CAMTA1: variants seen among roughly 807,000 people sequenced by gnomAD.
CAMTA1 encodes calmodulin binding transcription activator 1.
A neutral mutation model predicts 170.9 loss-of-function variants in CAMTA1; 27 were observed. The ratio of observed to expected loss-of-function variants is 0.16; its 90% confidence interval spans 0.12 to 0.22. The LOEUF (loss-of-function observed/expected upper bound fraction) is 0.22. CAMTA1 is among the 10% of genes least tolerant of loss of function. CAMTA1 has a pLI of 1.00. For synonymous variants in CAMTA1, 833 were observed against 891.5 expected (o/e 0.93, Z 1.17); for missense variants, 1,619 against 2,217.2 (o/e 0.73, Z 5.42).
intron 6 of CAMTA1, among the ~76,000 whole-genome samples, chr1:7,611,009 C>T (rs1393707438): frequency 1.3e-5 from 2 of 152,236 alleles, no homozygotes; most frequent in African/African-American, 2.4e-5. Context: ...TAGCTCTGCC[C>T]TTTGCAACCT....
chr1:7,040,469 A>G (rs1231608021), intron 3 of CAMTA1, among the ~76,000 whole-genome samples: 2 of 152,182 alleles, frequency 1.3e-5, no homozygotes, highest in East Asian at 3.8e-4. Context: ...GTGCTTAGAC[A>G]ATGGATGAAT....
chr1:7,488,616 A>G (rs1357948780), intron 6 of CAMTA1, among the ~76,000 whole-genome samples: 1 of 151,220 alleles, frequency 6.6e-6, no homozygotes, highest in Non-Finnish European at 1.5e-5. Context: ...CATGTAACAC[A>G]TACACATACA....
intron 3 of CAMTA1, among the ~76,000 whole-genome samples, chr1:6,898,811 G>GCCTCTTGTTGCC (rs1676220354): frequency 6.6e-6 from 1 of 152,232 alleles, no homozygotes. Context: ...CTGATACCAA[G>GCCTCTTGTTGCC]AAGGACCTCC....
chr1:7,542,867 G>T (rs1344072890), intron 6 of CAMTA1, among the ~76,000 whole-genome samples: 1 of 151,056 alleles, frequency 6.6e-6, no homozygotes, highest in East Asian at 2.0e-4. Context: ...GTGTGTGTGT[G>T]TGTGTGTGTG....
chr1:6,877,261 C>G (rs746084521), intron 3 of CAMTA1, among the ~76,000 whole-genome samples: 3 of 152,204 alleles, frequency 2.0e-5, no homozygotes, highest in Non-Finnish European at 2.9e-5. Flanking sequence ...GGCAGACTTC[C>G]TCACTGTGAA....
chr1:7,522,447 C>T (rs917129418), intron 6 of CAMTA1, among the ~76,000 whole-genome samples: 10 of 152,166 alleles, frequency 6.6e-5, no homozygotes, highest in African/African-American at 2.4e-4. Flanking sequence ...CTGTAGCTTG[C>T]TTTTTCATCT....
At chr1:7,753,290 G>C (rs1368415039) in intron 21 of CAMTA1, among the ~76,000 whole-genome samples, 2 of 152,210 alleles carry the variant, frequency 1.3e-5, no homozygotes, top group Non-Finnish European at 2.9e-5. Flanking sequence ...CAGAGGGCTG[G>C]TGAAAGTGGT....
chr1:7,063,236 C>G lies in CAMTA1; in HGVS notation c.235-28068C>G, dbSNP rs368365996. 3.9e-5 allele frequency among the ~76,000 whole-genome samples: 6 copies of G among 152,280 alleles called. No individual in the cohort carries two copies. The highest frequency in any genetic ancestry group is 4.1e-4 in the South Asian group (2 of 4,820). Reference sequence around the variant, plus strand: ...GAATTTGCTCCCACTTTCTTCACCCCCTAACATCAGGTCAAATCCGGCCTA... The same window carrying G: ...GAATTTGCTCCCACTTTCTTCACCCGCTAACATCAGGTCAAATCCGGCCTA... On this transcript the variant is annotated intron_variant, in intron 3 of 22. Coordinates refer to ENST00000303635, the MANE Select transcript of CAMTA1 (RefSeq NM_015215.4). The surrounding 1 kb of genome is among the most constrained non-coding windows in gnomAD (Gnocchi z 4.3).
At chr1:7,603,076 A>C (rs1359891288) in intron 6 of CAMTA1, among the ~76,000 whole-genome samples, 2 of 152,090 alleles carry the variant, frequency 1.3e-5, no homozygotes, top group East Asian at 3.9e-4. Flanking sequence ...GTTCTTTTAC[A>C]TTTGCTGAGG....
chr1:7,219,548 A>AAT (rs1268667762), intron 4 of CAMTA1: 1 of 137,974 alleles, frequency 7.2e-6, no homozygotes. Context: ...TTCTTAAAAA[A>AAT]AAAAAAAAAA....
intron 6 of CAMTA1, among the ~76,000 whole-genome samples, chr1:7,539,127 C>T (rs2094580493): frequency 6.6e-6 from 1 of 152,236 alleles, no homozygotes; most frequent in Non-Finnish European, 1.5e-5. Context: ...TTTGAACCCA[C>T]ATATAGAAAT....
chr1:7,652,118 C>T (rs528055463), intron 7 of CAMTA1, among the ~76,000 whole-genome samples: 5 of 152,170 alleles, frequency 3.3e-5, no homozygotes, highest in East Asian at 1.9e-4. Context: ...CATCCTGTAC[C>T]GTCTGGAATG....
At chr1:7,766,349 T>C (rs2097024634) in intron 22 of CAMTA1, 110 bp from the exon 23 acceptor site, 1 of 943,842 alleles carries the variant, frequency 1.1e-6, no homozygotes, top group Non-Finnish European at 1.6e-6. Context: ...CTCAAAACGG[T>C]TTTAGTCTTG....
At position 7,599,644 on chromosome 1, in the gene CAMTA1, A is replaced by G. The variant is rs548529718; in HGVS notation, c.511-40756A>G. On this transcript the variant is annotated intron_variant, in intron 6 of 22. Transcript: ENST00000303635. ...GCAGTGGTTTGTAGTTCTCCTTGAAAAGGTCCTTCATGTCCCTTGTAAGTT... is the reference window on the plus strand; with the variant it reads ...GCAGTGGTTTGTAGTTCTCCTTGAAGAGGTCCTTCATGTCCCTTGTAAGTT... Among the ~76,000 whole-genome samples, 6 of 152,130 alleles carry G rather than the reference A, an allele frequency of 3.9e-5. No individual in the cohort carries two copies. In the South Asian group the frequency reaches 6.2e-4, roughly 16 times the overall value.
Position 7,293,185 on chromosome 1 carries a change from C to T in CAMTA1, c.438+43559C>T, listed in dbSNP as rs1486692624. Among the ~76,000 whole-genome samples the T allele has an allele frequency of 1.3e-5, 2 of 152,126 alleles. No homozygotes were observed. The highest frequency in any genetic ancestry group is 2.4e-5 in the African/African-American group (1 of 41,444). ...GGGCTGCCTTCCTGGGAAGGGATTG[C>T]GCTGCAGAAGCTGGGGCTGGTAAAG... is the stretch of plus-strand genomic sequence containing the variant. On this transcript the variant is annotated intron_variant, in intron 5 of 22. Transcript: ENST00000303635. The surrounding 1 kb of genome is among the most constrained non-coding windows in gnomAD (Gnocchi z 4.1).
At chr1:7,751,158 C>T (rs1273674412) in intron 19 of CAMTA1, 41 bp from the exon 20 acceptor site, 1 of 1,504,570 alleles carries the variant, frequency 6.6e-7, no homozygotes, top group Non-Finnish European at 9.0e-7. Context: ...CCCGTGCAGC[C>T]CCTGTTGTTA....
intron 11 of CAMTA1, among the ~76,000 whole-genome samples, chr1:7,683,894 T>C (rs1462044714): frequency 6.6e-6 from 1 of 152,156 alleles, no homozygotes; most frequent in East Asian, 1.9e-4. Context: ...CAGCATCCAG[T>C]TTGGGGAGCA....
chr1:6,899,605 ATC>A (rs776953717), intron 3 of CAMTA1, among the ~76,000 whole-genome samples: 118 of 144,746 alleles, frequency 8.2e-4, no homozygotes, highest in Middle Eastern at 7.1e-3. Flanking sequence ...GAGTTTCACT[ATC>A]TCATAATAAA....
At chr1:7,636,257 G>C (rs1238308441) in intron 6 of CAMTA1, among the ~76,000 whole-genome samples, 1 of 152,202 alleles carries the variant, frequency 6.6e-6, no homozygotes, top group African/African-American at 2.4e-5. Flanking sequence ...CTGACCACTG[G>C]ATCTGTGAGC....
Sources: allele counts gnomAD v4.1 joint callset (sites outside exome capture counted in the v4.1 genomes callset), GRCh38; gene constraint gnomAD v4.1.1; non-coding constraint Gnocchi (gnomAD v3.1); transcripts MANE v1.5; gene names NCBI Gene and HGNC (gene_info 2026-07-23, HGNC 2026-07-21).